FAF1: variants seen among roughly 807,000 people sequenced by gnomAD.
The protein encoded by FAF1 is Fas associated factor 1, also known as FAS-associated factor 1.
A neutral mutation model predicts 92.5 loss-of-function variants in FAF1; 25 were observed. That is an observed-to-expected ratio of 0.27 (90% confidence interval 0.20 to 0.38). The LOEUF is 0.38. Among genes scored for constraint, FAF1 ranks in the 10% least tolerant of loss-of-function variants. FAF1 has a pLI of 1.00. For synonymous variants in FAF1, 234 were observed against 273.2 expected (o/e 0.86, Z 1.42); for missense variants, 636 against 793.3 (o/e 0.80, Z 2.38).
chr1:50,502,074 A>T (rs966111175), intron 15 of FAF1, among the ~76,000 whole-genome samples: 9 of 152,186 alleles, frequency 5.9e-5, no homozygotes, highest in Non-Finnish European at 1.0e-4. Flanking sequence ...CTCTGTTGTA[A>T]TGTAACTATT....
intron 8 of FAF1, among the ~76,000 whole-genome samples, chr1:50,626,810 C>T (rs1234309315): frequency 6.6e-6 from 1 of 151,932 alleles, no homozygotes; most frequent in East Asian, 1.9e-4. Flanking sequence ...ATAAACAGTC[C>T]ACAATGAAAA....
rs762034410 is a variant in FAF1, at chr1:50,705,794, T to C, written c.649A>G (p.Ile217Val). ...YNLNFSGSST[I>V]QEVKRNVYDL... ...TGTGAGACATAACTCACCTCTTGAA[T>C]AGTACTGCTTCCTGAGAAGTTCAGG... Residue 217 changes from isoleucine to valine, a missense_variant, in exon 7 of 19, where the codon ATT becomes GTT. By Grantham distance (29) the Ile-to-Val change is conservative. Around this residue, in one of 2 missense-constraint regions of FAF1, gnomAD observed 317 missense variants for 342.4 expected, o/e 0.93. Coordinates refer to ENST00000396153, the MANE Select transcript of FAF1 (RefSeq NM_007051.3). The C allele has an allele frequency of 4.4e-6, 7 of 1,579,826 alleles. No homozygotes were observed. Among genetic ancestry groups the C allele is most frequent in the East Asian group, 2.2e-5 (1 of 44,706 alleles).
chr1:50,655,523 CT>C lies in FAF1; in HGVS notation c.662del (p.Lys221ArgfsTer97). The C allele has an allele frequency of 6.2e-7, 1 of 1,602,316 alleles. No individual in the cohort carries two copies. The highest frequency in any genetic ancestry group is 8.5e-7 in the Non-Finnish European group (1 of 1,170,960). ...FSGSSTIQEVKRNVYDLTSIP... is the reference protein window; with the variant it reads ...FSGSSTIQEVXRNVYDLTSIP... ...TACTTGTAAGGTCATACACATTTCT[CT>C]TTACCTATGAAAAGAAAGAAACAGG... is the stretch of plus-strand genomic sequence containing the variant. On this transcript the variant is annotated frameshift_variant, in exon 8 of 19. Coordinates refer to ENST00000396153, the MANE Select transcript of FAF1 (RefSeq NM_007051.3). LOFTEE classifies it high-confidence loss of function.
chr1:50,746,259 TATATATATATATATATATATATATATATA>T (rs1659585698), intron 4 of FAF1, among the ~76,000 whole-genome samples: 2 of 20,964 alleles, frequency 9.5e-5, no homozygotes, highest in African/African-American at 4.6e-4. Flanking sequence ...TATATATATA[TATATATATATATATATATATATATATATA>T]TATATTTTTT....
chr1:50,485,681 A>C (rs1196955708), intron 17 of FAF1, among the ~76,000 whole-genome samples: 6 of 149,872 alleles, frequency 4.0e-5, no homozygotes, highest in Non-Finnish European at 5.9e-5. Context: ...AAAAAAAAAA[A>C]AAAAAAAAAA....
chr1:50,687,992 G>A (rs1363511715), intron 7 of FAF1, among the ~76,000 whole-genome samples: 1 of 151,208 alleles, frequency 6.6e-6, no homozygotes, highest in African/African-American at 2.4e-5. Flanking sequence ...AAAATTAGCT[G>A]GGCGTGGTGG....
intron 8 of FAF1, among the ~76,000 whole-genome samples, chr1:50,632,941 T>C (rs1422098968): frequency 6.6e-6 from 1 of 152,202 alleles, no homozygotes; most frequent in Non-Finnish European, 1.5e-5. Flanking sequence ...TTCTCCATCA[T>C]CACAGGTGTT....
At chr1:50,667,128 C>A (rs1171311552) in intron 7 of FAF1, among the ~76,000 whole-genome samples, 1 of 152,178 alleles carries the variant, frequency 6.6e-6, no homozygotes, top group Non-Finnish European at 1.5e-5. Context: ...TGGTGTCACA[C>A]ACATCTGAGA....
intron 7 of FAF1, among the ~76,000 whole-genome samples, chr1:50,686,421 A>T (rs1176804491): frequency 2.6e-5 from 4 of 152,078 alleles, no homozygotes; most frequent in African/African-American, 9.7e-5. Context: ...GAATGCCTGT[A>T]ATCCCAGCTA....
chr1:50,718,616 T>C (rs1658286542), intron 6 of FAF1, among the ~76,000 whole-genome samples: 2 of 152,230 alleles, frequency 1.3e-5, no homozygotes, highest in Admixed American at 1.3e-4. Flanking sequence ...CTTCACTAGA[T>C]TTTATTTTCT....
chr1:50,752,768 C>T (rs546690545), intron 4 of FAF1, among the ~76,000 whole-genome samples: 6 of 152,124 alleles, frequency 3.9e-5, no homozygotes, highest in Admixed American at 2.0e-4. Context: ...CTGCAGCCTC[C>T]GCCTCCCGGG....
At chr1:50,919,721 T>G (rs1644948115) in intron 1 of FAF1, among the ~76,000 whole-genome samples, 1 of 152,128 alleles carries the variant, frequency 6.6e-6, no homozygotes, top group African/African-American at 2.4e-5. Flanking sequence ...ACTCCTGACC[T>G]CGTGATCCAC....
chr1:50,578,370 C>A (rs1650848494), intron 12 of FAF1, among the ~76,000 whole-genome samples: 1 of 152,144 alleles, frequency 6.6e-6, no homozygotes, highest in African/African-American at 2.4e-5. Flanking sequence ...CATGAGCAAA[C>A]TGTTTTCTGA....
At chr1:50,836,168 C>CTTTTTTTTTTTTTTTTTT (rs1644200011) in intron 2 of FAF1, among the ~76,000 whole-genome samples, 1 of 75,542 alleles carries the variant, frequency 1.3e-5, no homozygotes, top group African/African-American at 5.7e-5. Context: ...TTTTTTGTTT[C>CTTTTTTTTTTTTTTTTTT]TGTTTTTTTT....
chr1:50,717,581 G>A (rs1051784679), intron 6 of FAF1, among the ~76,000 whole-genome samples: 2 of 152,204 alleles, frequency 1.3e-5, no homozygotes, highest in Admixed American at 6.5e-5. Flanking sequence ...CAAGTAAACA[G>A]CTGTCATGAG....
intron 4 of FAF1, among the ~76,000 whole-genome samples, chr1:50,776,859 A>C (rs1660982660): frequency 6.6e-6 from 1 of 152,196 alleles, no homozygotes; most frequent in South Asian, 2.1e-4. Context: ...ACTACTAAAA[A>C]TCCATACAAA....
chr1:50,437,676 A>G lies in FAF1; in HGVS notation c.*3764T>C, dbSNP rs1019621281. On this transcript the variant is annotated 3_prime_UTR_variant, in exon 19 of 19. Coordinates refer to ENST00000396153, the MANE Select transcript of FAF1 (RefSeq NM_007051.3). ...CCTTTGCCTCCCAAAGTGATGTTTA[A>G]CTTTTTATGTACAACTGTAGAGGAT... 2.0e-5 allele frequency: 3 copies of G among 152,104 alleles called. No individual in the cohort carries two copies. The highest frequency in any genetic ancestry group is 7.2e-5 in the African/African-American group (3 of 41,404). 9.4% of individuals were successfully genotyped at this position (152,104 alleles called of 1,614,324 possible).
rs946154136 is a variant in FAF1, at chr1:50,939,807, T to C, written c.45+19960A>G. On this transcript the variant is annotated intron_variant, in intron 1 of 18. Transcript: ENST00000396153. Reference sequence around the variant, plus strand: ...CATATGGTTTTTGCTTTTAATTCTGTTTATGTGGTGAATCACATTTATTGA... The same window carrying C: ...CATATGGTTTTTGCTTTTAATTCTGCTTATGTGGTGAATCACATTTATTGA... Among the ~76,000 whole-genome samples the C allele has an allele frequency of 6.6e-5, 10 of 152,258 alleles. 1 individual carries two copies. The highest frequency in any genetic ancestry group is 6.5e-4 in the Admixed American group (10 of 15,288).
chr1:50,657,786 CAG>C (rs1209155712), intron 7 of FAF1, among the ~76,000 whole-genome samples: 1 of 152,124 alleles, frequency 6.6e-6, no homozygotes, highest in Non-Finnish European at 1.5e-5. Context: ...AACAAAAACA[CAG>C]AACTCACTCT....
Sources: allele counts gnomAD v4.1 joint callset (sites outside exome capture counted in the v4.1 genomes callset), GRCh38; gene constraint gnomAD v4.1.1; regional missense constraint gnomAD v4.1.1; transcripts MANE v1.5; gene names NCBI Gene and HGNC (gene_info 2026-07-23, HGNC 2026-07-21).